The following ZNF594 variants were observed in gnomAD, a reference collection of about 807,000 sequenced individuals.
The protein encoded by ZNF594 is zinc finger protein HZF18.
For synonymous variants in ZNF594, 336 were observed against 309.4 expected (o/e 1.09, Z -0.90); for missense variants, 1,037 against 964.6 (o/e 1.08, Z -0.99).
In ZNF594 at chr17:5,181,967, T is replaced by G. The variant is rs756130861; in HGVS notation, c.2290A>C (p.Asn764His). ...CCCTGGAAGGTCCTACTACACTGAT[T>G]ACACCAATAAACTTTCTTTTCCTGG... is the stretch of plus-strand genomic sequence containing the variant. ...THQEKKVYWC[N>H]QCSRTFQGSS... is the part of the protein sequence containing the mutation. The change falls in exon 2 of 2, where the codon AAT becomes CAT. Residue 764 changes from asparagine to histidine, a missense_variant. By Grantham distance (68) the Asn-to-His change is moderately conservative. Transcript: ENST00000575779. The G allele has an allele frequency of 1.9e-6, 3 of 1,613,800 alleles. No individual in the cohort carries two copies. The highest frequency in any genetic ancestry group is 1.1e-5 in the South Asian group (1 of 91,074).
Position 5,183,557 on chromosome 17 carries a change from T to C in ZNF594, c.700A>G (p.Ser234Gly), listed in dbSNP as rs200202225. 1.9e-6 allele frequency: 3 copies of C among 1,614,200 alleles called. No homozygotes were observed. The East Asian group carries it at 6.7e-5, about 36-fold the overall frequency. The change falls in exon 2 of 2, where the codon AGT (serine) becomes GGT (glycine). Residue 234 changes from serine (S) to glycine (G), a missense_variant. By Grantham distance (56) the Ser-to-Gly change is moderately conservative (BLOSUM62 0). Coordinates refer to ENST00000575779, the MANE Select transcript of ZNF594 (RefSeq NM_032530.2). ...SNLVLHQRIH[S>G]RGKPYLCNKC... Reference sequence around the variant, plus strand: ...TTGCATAAATATGGCTTCCCCCTACTGTGGATTCTCTGGTGCAGGACAAGG... The same window carrying C: ...TTGCATAAATATGGCTTCCCCCTACCGTGGATTCTCTGGTGCAGGACAAGG...
chr17:5,191,008 T>A (rs987356890), intron 1 of ZNF594, among the ~76,000 whole-genome samples: 1 of 152,180 alleles, frequency 6.6e-6, no homozygotes, highest in Non-Finnish European at 1.5e-5. Flanking sequence ...AACCAATTAA[T>A]TTTTCAACTT....
Position 5,184,163 on chromosome 17 carries a change from A to T in ZNF594, c.94T>A (p.Cys32Ser). Residue 32 changes from cysteine (C) to serine (S), a missense_variant, in exon 2 of 2, where the codon TGT becomes AGT. Transcript: ENST00000575779. ...EKLQRQITQE[C>S]ELVETSNSED... Reference sequence around the variant, plus strand: ...GAATTACTGGTTTCAACTAACTCACATTCCTGGGTGATTTGTCTTTGGAGT... The same window carrying T: ...GAATTACTGGTTTCAACTAACTCACTTTCCTGGGTGATTTGTCTTTGGAGT... 1 of 1,614,162 alleles carries T rather than the reference A, an allele frequency of 6.2e-7. No individual in the cohort carries two copies. Among genetic ancestry groups the T allele is most frequent in the African/African-American group, 1.3e-5 (1 of 75,038 alleles).
rs766971566 is a variant in ZNF594 at position 5,181,175 on chromosome 17, G to A, written c.*658C>T. 1 of 1,610,234 alleles carries A rather than the reference G, an allele frequency of 6.2e-7. No homozygotes were observed. Among genetic ancestry groups the A allele is most frequent in the Non-Finnish European group, 8.5e-7 (1 of 1,177,008 alleles). ...GTTTCTCTCCAGTATGAACACGATG[G>A]TGTCTAATAAGATCTGAGCTGCCCC... On this transcript the variant is annotated 3_prime_UTR_variant, in exon 2 of 2. Transcript: ENST00000575779.
rs766971566 is a variant in ZNF594 at position 5,181,175 on chromosome 17, G to T, written c.*658C>A. ...GTTTCTCTCCAGTATGAACACGATG[G>T]TGTCTAATAAGATCTGAGCTGCCCC... On this transcript the variant is annotated 3_prime_UTR_variant, in exon 2 of 2. Transcript: ENST00000575779. The T allele has an allele frequency of 3.7e-5, 60 of 1,610,112 alleles. No individual in the cohort carries two copies. The highest frequency in any genetic ancestry group is 5.1e-5 in the Non-Finnish European group (60 of 1,177,012).
At chr17:5,178,071 T>G (rs1481926226), downstream of ZNF594, among the ~76,000 whole-genome samples, 3 of 108,886 alleles carry the variant, frequency 2.8e-5, no homozygotes, top group Non-Finnish European at 5.4e-5. Context: ...TATTTTTCAG[T>G]TTTTTTTTTT....
Position 5,183,451 on chromosome 17 carries a change from C to T in ZNF594, c.806G>A (p.Cys269Tyr). The T allele has an allele frequency of 1.2e-6, 2 of 1,613,982 alleles. No homozygotes were observed. Among genetic ancestry groups the T allele is most frequent in the Non-Finnish European group, 1.7e-6 (2 of 1,180,014 alleles). ...RIHTGEKPYE[C>Y]YDCGQMFSQS... is the part of the protein sequence containing the mutation. Reference sequence around the variant, plus strand: ...ACTGAACATCTGTCCACAGTCATAACATTCATAGGGTTTCTCTCCAGTGTG... The same window carrying T: ...ACTGAACATCTGTCCACAGTCATAATATTCATAGGGTTTCTCTCCAGTGTG... The change falls in exon 2 of 2, where the codon TGT becomes TAT. Residue 269 changes from cysteine (C) to tyrosine (Y), a missense_variant. Physicochemically the swap from Cys to Tyr is radical, Grantham distance 194 (BLOSUM62 -2). Coordinates refer to ENST00000575779, the MANE Select transcript of ZNF594 (RefSeq NM_032530.2).
chr17:5,184,070 C>T lies in ZNF594; in HGVS notation c.187G>A (p.Glu63Lys). ...ATATGCATTTCCCTGATACCGCTCT[C>T]TTGGGAAGGGAGATGTCTCATTGCA... ...KDAMRHLPSQ[E>K]SGIREMHIIP... The change falls in exon 2 of 2, where the codon GAG (glutamate) becomes AAG (lysine). Residue 63 changes from glutamate (E) to lysine (K), a missense_variant. Physicochemically the swap from Glu to Lys is moderately conservative, Grantham distance 56. Transcript: ENST00000575779. 1 of 1,614,188 alleles carries T rather than the reference C, an allele frequency of 6.2e-7. No homozygotes were observed. Among genetic ancestry groups the T allele is most frequent in the Non-Finnish European group, 8.5e-7 (1 of 1,180,036 alleles).
rs959596498 is a variant in ZNF594, at chr17:5,180,947, A to G, written c.*886T>C. 7.3e-6 allele frequency: 5 copies of G among 685,434 alleles called. No individual in the cohort carries two copies. Among genetic ancestry groups the G allele is most frequent in the Admixed American group, 6.1e-5 (3 of 48,954 alleles). The allele number at this position is 685,434 out of a possible 1,614,324, so 42.5% of individuals were successfully genotyped here. ...TCATTAGGTTTCTGCTACCTATTAG[A>G]ATAGGTCCTGTTTGTAGACTCTTAC... is the stretch of plus-strand genomic sequence containing the variant. On this transcript the variant is annotated 3_prime_UTR_variant, in exon 2 of 2. Coordinates refer to ENST00000575779, the MANE Select transcript of ZNF594 (RefSeq NM_032530.2).
Position 5,183,461 on chromosome 17 carries a change from G to A in ZNF594, c.796C>T (p.Pro266Ser), listed in dbSNP as rs1229234874. 4 of 1,614,028 alleles carry A rather than the reference G, an allele frequency of 2.5e-6. No homozygotes were observed. The highest frequency in any genetic ancestry group is 1.1e-5 in the South Asian group (1 of 91,088). ...TGTCCACAGTCATAACATTCATAGG[G>A]TTTCTCTCCAGTGTGAATTCTGTGA... ...IHHRIHTGEK[P>S]YECYDCGQMF... The change falls in exon 2 of 2, where the codon CCC (proline) becomes TCC (serine). Residue 266 changes from proline (P) to serine (S), a missense_variant. Pro to Ser is a moderately conservative substitution (Grantham distance 74, BLOSUM62 -1). Coordinates refer to ENST00000575779, the MANE Select transcript of ZNF594 (RefSeq NM_032530.2).
rs2074350261 is a variant in ZNF594 at position 5,182,393 on chromosome 17, T to C, written c.1864A>G (p.Lys622Glu). ...LRHHRIHSGE[K>E]PYVCNKCGKS... ...CCACATTTGTTGCATACATAAGGTT[T>C]TTCTCCACTGTGAATTCTATGATGT... is the stretch of plus-strand genomic sequence containing the variant. The change falls in exon 2 of 2, where the codon AAA (lysine) becomes GAA (glutamate). Residue 622 changes from lysine (K) to glutamate (E), a missense_variant. Coordinates refer to ENST00000575779, the MANE Select transcript of ZNF594 (RefSeq NM_032530.2). The C allele has an allele frequency of 1.2e-6, 2 of 1,613,690 alleles. No individual in the cohort carries two copies. Among genetic ancestry groups the C allele is most frequent in the Non-Finnish European group, 1.7e-6 (2 of 1,180,010 alleles).
downstream of ZNF594, among the ~76,000 whole-genome samples, chr17:5,175,939 T>C (rs1389440581): frequency 2.0e-5 from 3 of 152,318 alleles, no homozygotes; most frequent in East Asian, 1.9e-4. Context: ...CCTGGCACAG[T>C]TGCTTGGTAA....
In ZNF594 at chr17:5,183,117, C is replaced by T; in HGVS notation, c.1140G>A (p.Gln380=). ...AGGTGCCCTGGAAATTCCTACCACA[C>T]TGATTACACCAATAAGCTTTCTCTT... ...HQEEKAYWCN[Q]CGRNFQGTSD... Residue 380 remains glutamine (Q), a synonymous_variant, in exon 2 of 2, where the codon CAG becomes CAA. Coordinates refer to ENST00000575779, the MANE Select transcript of ZNF594 (RefSeq NM_032530.2). The T allele has an allele frequency of 6.2e-7, 1 of 1,614,178 alleles. No homozygotes were observed. Among genetic ancestry groups the T allele is most frequent in the Non-Finnish European group, 8.5e-7 (1 of 1,180,036 alleles).
At chr17:5,187,921 C>T (rs2074396291) in intron 1 of ZNF594, among the ~76,000 whole-genome samples, 2 of 143,470 alleles carry the variant, frequency 1.4e-5, no homozygotes, top group African/African-American at 5.2e-5. Context: ...TATGGTCTCA[C>T]CATGTTGCCC....
Position 5,183,082 on chromosome 17 carries a change from A to T in ZNF594, c.1175T>A (p.Ile392Asn). ...TCCTGTATGAGTTACCTGATGTCTG[A>T]TGAGGTCTGAGGTGCCCTGGAAATT... is the stretch of plus-strand genomic sequence containing the variant. Reference protein sequence around the residue: ...GRNFQGTSDLIRHQVTHTGEK... With the variant: ...GRNFQGTSDLNRHQVTHTGEK... Residue 392 changes from isoleucine to asparagine, a missense_variant, in exon 2 of 2, where the codon ATC becomes AAC. Coordinates refer to ENST00000575779, the MANE Select transcript of ZNF594 (RefSeq NM_032530.2). The T allele has an allele frequency of 1.2e-6, 2 of 1,614,122 alleles. No individual in the cohort carries two copies. The highest frequency in any genetic ancestry group is 2.2e-5 in the South Asian group (2 of 91,080).
intron 1 of ZNF594, among the ~76,000 whole-genome samples, chr17:5,187,605 A>G (rs958397784): frequency 6.6e-6 from 1 of 152,220 alleles, no homozygotes; most frequent in Admixed American, 6.5e-5. Context: ...CCTGAGTTTG[A>G]AACCTGGCTC....
At chr17:5,175,376 A>C (rs1331315241), downstream of ZNF594, among the ~76,000 whole-genome samples, 1 of 152,172 alleles carries the variant, frequency 6.6e-6, no homozygotes, top group Non-Finnish European at 1.5e-5. Context: ...GCTCCTTATG[A>C]GAATCTAATG....
rs2074357002 is a variant in ZNF594 at position 5,182,938 on chromosome 17, G to A, written c.1319C>T (p.Ser440Phe). The stretch of plus-strand genomic sequence containing the variant: ...AATAAGATCTGAGCTGCCCCTAAAA[G>A]ATTTCCCACATTTGCTACATACACA... ...KPCVCSKCGK[S>F]FRGSSDLIRH... The change falls in exon 2 of 2, where the codon TCT becomes TTT. Residue 440 changes from serine (S) to phenylalanine (F), a missense_variant. Transcript: ENST00000575779. The A allele has an allele frequency of 6.2e-7, 1 of 1,613,912 alleles. No individual in the cohort carries two copies. The highest frequency in any genetic ancestry group is 1.7e-5 in the Admixed American group (1 of 59,994).
chr17:5,178,249 T>TA (rs2074318422), downstream of ZNF594, among the ~76,000 whole-genome samples: 1 of 151,968 alleles, frequency 6.6e-6, no homozygotes, highest in Non-Finnish European at 1.5e-5. Flanking sequence ...TGGGATATAC[T>TA]AAAAAATGCA....
Sources: allele counts gnomAD v4.1 joint callset (sites outside exome capture counted in the v4.1 genomes callset), GRCh38; gene constraint gnomAD v4.1.1; transcripts MANE v1.5; gene names NCBI Gene and HGNC (gene_info 2026-07-23, HGNC 2026-07-21).